The following SLC24A3 variants were observed in gnomAD, a reference collection of about 807,000 sequenced individuals.
SLC24A3 encodes sodium/potassium/calcium exchanger 3.
Under a neutral mutation model 75.8 loss-of-function variants are expected in SLC24A3, and 28 were observed. That is an observed-to-expected ratio of 0.37 (90% CI 0.27 to 0.51). The LOEUF is 0.51. SLC24A3 is among the 20% of genes least tolerant of loss of function. The pLI, the probability that SLC24A3 is intolerant of heterozygous loss-of-function variation, is 0.94. For synonymous variants in SLC24A3, 372 were observed against 334.1 expected (o/e 1.11, Z -1.24); for missense variants, 663 against 847.8 (o/e 0.78, Z 2.71).
chr20:19,644,833 A>G (rs1467319582), intron 6 of SLC24A3, among the ~76,000 whole-genome samples: 3 of 152,220 alleles, frequency 2.0e-5, no homozygotes, highest in African/African-American at 7.2e-5. Flanking sequence ...AAAGGAGTAG[A>G]ACCTCAGGGC....
intron 2 of SLC24A3, among the ~76,000 whole-genome samples, chr20:19,327,983 GA>G (rs987517836): frequency 1.3e-5 from 2 of 151,832 alleles, no homozygotes; most frequent in East Asian, 3.9e-4. Context: ...AAGTGATACA[GA>G]AAAAAAATGA....
chr20:19,314,062 C>A (rs539406233), intron 2 of SLC24A3, among the ~76,000 whole-genome samples: 2 of 150,714 alleles, frequency 1.3e-5, no homozygotes, highest in African/African-American at 2.5e-5. Context: ...GGTCATTTAT[C>A]CAGCTCATGT....
chr20:19,637,555 A>G (rs957109463), intron 6 of SLC24A3, among the ~76,000 whole-genome samples: 1 of 152,238 alleles, frequency 6.6e-6, no homozygotes, highest in African/African-American at 2.4e-5. Context: ...CTAGCACACT[A>G]TTTGGCTCCA....
intron 3 of SLC24A3, among the ~76,000 whole-genome samples, chr20:19,526,608 G>A (rs965328305): frequency 2.0e-5 from 3 of 152,132 alleles, no homozygotes; most frequent in Admixed American, 6.5e-5. Flanking sequence ...TGAGAGCAAC[G>A]TCCAGGTCAC....
intron 2 of SLC24A3, among the ~76,000 whole-genome samples, chr20:19,430,868 A>G (rs564377580): frequency 3.9e-5 from 6 of 152,252 alleles, no homozygotes; most frequent in African/African-American, 1.4e-4. Context: ...ATGCACACAC[A>G]TACGCAGACA....
rs138138998 is a variant in SLC24A3, at chr20:19,511,113, G to T, written c.272-4375G>T. On this transcript the variant is annotated intron_variant, in intron 2 of 16. Coordinates refer to ENST00000328041, the MANE Select transcript of SLC24A3 (RefSeq NM_020689.4). ...GAGACCTGCTTTCCTCTGTCTCCCA[G>T]CAAGCTTGAGACACTGTGCCAGCCC... 3.1e-3 allele frequency among the ~76,000 whole-genome samples: 468 copies of T among 152,192 alleles called. 2 individuals are homozygous for T. Among genetic ancestry groups the T allele is most frequent in the Non-Finnish European group, 5.4e-3 (367 of 68,018 alleles).
At chr20:19,402,622 G>A (rs1468026278) in intron 2 of SLC24A3, among the ~76,000 whole-genome samples, 1 of 152,188 alleles carries the variant, frequency 6.6e-6, no homozygotes, top group East Asian at 1.9e-4. Context: ...AAATCTATTG[G>A]GCAGAAGGAA....
chr20:19,219,704 C>T (rs1276907563), intron 1 of SLC24A3, among the ~76,000 whole-genome samples: 2 of 152,006 alleles, frequency 1.3e-5, no homozygotes, highest in Non-Finnish European at 2.9e-5. Context: ...TGCAGATGGC[C>T]AACAGACACA....
intron 3 of SLC24A3, among the ~76,000 whole-genome samples, chr20:19,524,691 T>A (rs539090074): frequency 6.6e-6 from 1 of 152,358 alleles, no homozygotes; most frequent in South Asian, 2.1e-4. Context: ...ATTTTATTTT[T>A]ATAGTAAATA....
At chr20:19,532,761 C>T (rs575451107) in intron 3 of SLC24A3, among the ~76,000 whole-genome samples, 1 of 152,302 alleles carries the variant, frequency 6.6e-6, no homozygotes, top group Non-Finnish European at 1.5e-5. Flanking sequence ...GAGCTAGGTA[C>T]CATAGAGACC....
At chr20:19,479,214 A>G (rs558038463) in intron 2 of SLC24A3, among the ~76,000 whole-genome samples, 7 of 152,306 alleles carry the variant, frequency 4.6e-5, no homozygotes, top group African/African-American at 1.7e-4. Context: ...CTTCCTGCCA[A>G]TGTCCACTTA....
At chr20:19,377,953 G>A (rs571144692) in intron 2 of SLC24A3, among the ~76,000 whole-genome samples, 1 of 152,184 alleles carries the variant, frequency 6.6e-6, no homozygotes, top group Admixed American at 6.5e-5. Context: ...TGTGTCTTCT[G>A]TGGCTGCTTT....
intron 15 of SLC24A3, among the ~76,000 whole-genome samples, chr20:19,704,468 A>C (rs558528800): frequency 6.6e-6 from 1 of 152,362 alleles, no homozygotes; most frequent in African/African-American, 2.4e-5. Flanking sequence ...ATAGGGATTC[A>C]GAAGTGAACA....
chr20:19,281,078 A>G lies in SLC24A3; in HGVS notation c.262A>G (p.Thr88Ala). ...DAGLRNSKNC[T>A]EPALHEFPND... ...CGGACTCCGGAACAGCAAGAACTGC[A>G]CCGAACCAGGTAACAGTGCTGACTA... The change falls in exon 2 of 17, where the codon ACC (threonine) becomes GCC (alanine). Residue 88 changes from threonine (T) to alanine (A), a missense_variant. Coordinates refer to ENST00000328041, the MANE Select transcript of SLC24A3 (RefSeq NM_020689.4). The G allele has an allele frequency of 6.2e-7, 1 of 1,614,150 alleles. No homozygotes were observed. Among genetic ancestry groups the G allele is most frequent in the Non-Finnish European group, 8.5e-7 (1 of 1,180,006 alleles).
chr20:19,256,588 G>A (rs948845852), intron 1 of SLC24A3, among the ~76,000 whole-genome samples: 5 of 152,074 alleles, frequency 3.3e-5, no homozygotes, highest in East Asian at 1.9e-4. Context: ...GGGCAACATG[G>A]TGAAACCCCA....
intron 6 of SLC24A3, among the ~76,000 whole-genome samples, chr20:19,619,485 G>A (rs539776999): frequency 3.8e-4 from 58 of 152,312 alleles, no homozygotes; most frequent in Admixed American, 1.6e-3. Flanking sequence ...AACTAGAGCA[G>A]AGATGAGCTT....
chr20:19,339,542 A>C (rs1985221095), intron 2 of SLC24A3, among the ~76,000 whole-genome samples: 1 of 152,252 alleles, frequency 6.6e-6, no homozygotes, highest in African/African-American at 2.4e-5. Context: ...TGACAGTGCT[A>C]GAAGAAACAG....
intron 8 of SLC24A3, among the ~76,000 whole-genome samples, chr20:19,666,600 A>G (rs975932119): frequency 6.6e-6 from 1 of 152,170 alleles, no homozygotes; most frequent in Non-Finnish European, 1.5e-5. Flanking sequence ...TTCTGTGACC[A>G]TTAATCCATT....
chr20:19,351,729 G>A (rs2122325962), intron 2 of SLC24A3, among the ~76,000 whole-genome samples: 1 of 152,224 alleles, frequency 6.6e-6, no homozygotes, highest in Admixed American at 6.5e-5. Flanking sequence ...CTTCACCTCA[G>A]TTTCCACCAG....
Sources: allele counts gnomAD v4.1 joint callset (sites outside exome capture counted in the v4.1 genomes callset), GRCh38; gene constraint gnomAD v4.1.1; transcripts MANE v1.5; gene names NCBI Gene and HGNC (gene_info 2026-07-23, HGNC 2026-07-21).